Variants in OSBPL9 observed in about 807,000 individuals in gnomAD.
The protein encoded by OSBPL9 is oxysterol binding protein like 9.
OSBPL9 carries 40 observed loss-of-function variants against 106.6 expected under a neutral mutation model. The ratio of observed to expected loss-of-function variants is 0.38; its 90% CI spans 0.29 to 0.49. The LOEUF (loss-of-function observed/expected upper bound fraction) is 0.49, where lower values mean the gene tolerates loss of function less well. Among genes scored for constraint, OSBPL9 ranks in the 20% least tolerant of loss-of-function variants. The pLI, the probability that OSBPL9 is intolerant of heterozygous loss-of-function variation, is 0.97. For missense variants in OSBPL9, 609 were observed against 887.2 expected (o/e 0.69, Z 3.98); for synonymous variants, 269 against 295.4 (o/e 0.91, Z 0.92).
At chr1:51,528,921 GA>G in the OSBPL9 span, among the ~76,000 whole-genome samples, 1 of 151,744 alleles carries the variant, frequency 6.6e-6, no homozygotes, top group Non-Finnish European at 1.5e-5. Flanking sequence ...ACATCAAAAA[GA>G]AAAAATAGTT....
intron 2 of OSBPL9, among the ~76,000 whole-genome samples, chr1:51,664,611 G>C (rs1260639966): frequency 1.3e-5 from 2 of 152,136 alleles, no homozygotes; most frequent in African/African-American, 4.8e-5. Context: ...AATATCACTT[G>C]AGCCTCAGAA....
At chr1:51,600,697 T>G (rs1220052611) in intron 2 of OSBPL9, among the ~76,000 whole-genome samples, 1 of 152,154 alleles carries the variant, frequency 6.6e-6, no homozygotes, top group Non-Finnish European at 1.5e-5. Flanking sequence ...AAAATTTTGG[T>G]CTTGAAGGGT....
In OSBPL9 at chr1:51,597,438, T is replaced by C. The variant is rs557071437; in HGVS notation, c.-422-686T>C. Among the ~76,000 whole-genome samples, 82 of 150,530 alleles carry C rather than the reference T, an allele frequency of 5.4e-4. 4 individuals carry two copies. In the South Asian group the frequency reaches 0.016, roughly 29 times the overall value. On this transcript the variant is annotated intron_variant, in intron 1 of 25. Coordinates refer to the OSBPL9 transcript ENST00000371714. Reference sequence around the variant, plus strand: ...ATATATATATATGTGTGTGTGTGTGTGTGTGTGTGTGTGTGTGTGTGTATA... The same window carrying C: ...ATATATATATATGTGTGTGTGTGTGCGTGTGTGTGTGTGTGTGTGTGTATA...
At chr1:51,608,684 G>C (rs1488231394) in intron 2 of OSBPL9, among the ~76,000 whole-genome samples, 3 of 151,504 alleles carry the variant, frequency 2.0e-5, no homozygotes, top group South Asian at 2.1e-4. Context: ...GATTGGGGGG[G>C]GGGGCTTTCC....
intron 3 of OSBPL9, among the ~76,000 whole-genome samples, chr1:51,702,421 T>G (rs904605498): frequency 6.6e-6 from 1 of 152,262 alleles, no homozygotes. Flanking sequence ...TTTTTTCACG[T>G]GTCTGTTGGC....
chr1:51,690,248 TTAAC>T lies in OSBPL9; in HGVS notation c.241+20740_241+20743del, dbSNP rs1159234218. The stretch of plus-strand genomic sequence containing the variant: ...AGGCTTTCCATTGACTAGTAATAAT[TTAAC>T]TAAGAAGCATGTGATTTTAGAATGA... On this transcript the variant is annotated intron_variant, in intron 3 of 23. Transcript: ENST00000428468. Among the ~76,000 whole-genome samples the T allele has an allele frequency of 2.6e-5, 4 of 152,320 alleles. No homozygotes were observed. In the East Asian group the frequency reaches 7.7e-4, roughly 29 times the overall value.
intron 4 of OSBPL9, chr1:51,730,086 T>C: frequency 2.4e-6 from 3 of 1,262,928 alleles, no homozygotes; most frequent in Non-Finnish European, 3.0e-6. Context: ...GGAGCGCGAA[T>C]GTCGTGCTCA....
chr1:51,659,248 A>G (rs1646995701), intron 2 of OSBPL9, among the ~76,000 whole-genome samples: 1 of 152,150 alleles, frequency 6.6e-6, no homozygotes. Context: ...ATTCTTTGAC[A>G]ACAATGGAAA....
upstream of OSBPL9, among the ~76,000 whole-genome samples, chr1:51,575,615 C>T (rs1030347994): frequency 6.6e-5 from 10 of 152,136 alleles, no homozygotes; most frequent in Non-Finnish European, 1.2e-4. Flanking sequence ...CTATTACTCA[C>T]GTCTGATGAC....
At position 51,675,060 on chromosome 1, in the gene OSBPL9, A is replaced by G. The variant is rs556424830; in HGVS notation, c.241+5548A>G. Among the ~76,000 whole-genome samples, 3 of 152,326 alleles carry G rather than the reference A, an allele frequency of 2.0e-5. No individual in the cohort carries two copies. In the East Asian group the frequency reaches 5.8e-4, roughly 29 times the overall value. ...AGCCTAGGAATGATAGCCAAACCCT[A>G]TAGCCTAGGTGTGTAGTAGGCTTTA... On this transcript the variant is annotated intron_variant, in intron 3 of 23. Transcript: ENST00000428468.
At chr1:51,639,828 T>TTG (rs1645670874) in intron 1 of OSBPL9, among the ~76,000 whole-genome samples, 1 of 138,116 alleles carries the variant, frequency 7.2e-6, no homozygotes, top group African/African-American at 2.8e-5. Flanking sequence ...TTTTTTTTTT[T>TTG]TTTTTTTTTT....
At chr1:51,629,538 G>GC (rs1644978803) in intron 1 of OSBPL9, among the ~76,000 whole-genome samples, 1 of 152,180 alleles carries the variant, frequency 6.6e-6, no homozygotes, top group African/African-American at 2.4e-5. Context: ...GTGGTAGGCT[G>GC]CCACCCTGTA....
At chr1:51,649,816 C>T (rs1168816730) in intron 1 of OSBPL9, among the ~76,000 whole-genome samples, 1 of 144,672 alleles carries the variant, frequency 6.9e-6, no homozygotes, top group African/African-American at 2.6e-5. Context: ...TCTGGATTTG[C>T]GTGATTATTT....
intron 1 of OSBPL9, among the ~76,000 whole-genome samples, chr1:51,621,139 C>T (rs1453119101): frequency 6.6e-6 from 1 of 152,204 alleles, no homozygotes; most frequent in Non-Finnish European, 1.5e-5. Context: ...TATTAGTACT[C>T]CCATTAACTC....
intron 2 of OSBPL9, among the ~76,000 whole-genome samples, chr1:51,610,676 T>C (rs1004310334): frequency 1.3e-5 from 2 of 152,250 alleles, no homozygotes; most frequent in Non-Finnish European, 2.9e-5. Context: ...CCCTAATCTC[T>C]ATGAGCTCCT....
chr1:51,653,868 G>C (rs187597802), intron 2 of OSBPL9, among the ~76,000 whole-genome samples: 5 of 152,254 alleles, frequency 3.3e-5, no homozygotes, highest in African/African-American at 1.2e-4. Context: ...TGGATGTGGT[G>C]ACACATGCCT....
the OSBPL9 span, among the ~76,000 whole-genome samples, chr1:51,528,180 G>A: frequency 3.4e-4 from 52 of 151,682 alleles, no homozygotes; most frequent in African/African-American, 1.2e-3. Flanking sequence ...TTTCCAGCCA[G>A]AGGAATTAGG....
In OSBPL9 at chr1:51,787,497, G is replaced by T. The variant is rs773887542; in HGVS notation, c.2136+9G>T. Reference sequence around the variant, plus strand: ...TTCAGTGGGAGACAAGGGTAAGCTTGCCTGCCCCACCCTCCTAAGTGCTGT... The same window carrying T: ...TTCAGTGGGAGACAAGGGTAAGCTTTCCTGCCCCACCCTCCTAAGTGCTGT... On this transcript the variant is annotated intron_variant, in intron 23 of 23. Transcript: ENST00000428468. 42 of 1,613,726 alleles carry T rather than the reference G, an allele frequency of 2.6e-5. No individual in the cohort carries two copies. Among genetic ancestry groups the T allele is most frequent in the Non-Finnish European group, 3.2e-5 (38 of 1,179,832 alleles).
chr1:51,743,532 G>T (rs1667366476), intron 4 of OSBPL9, among the ~76,000 whole-genome samples: 1 of 152,100 alleles, frequency 6.6e-6, no homozygotes, highest in African/African-American at 2.4e-5. Context: ...ATTCTAAATG[G>T]ATTCAGAAGA....
Sources: gnomAD v4.1 joint callset for allele counts (sites outside exome capture counted in the v4.1 genomes callset) on GRCh38, gnomAD v4.1.1 for gene constraint, MANE v1.5 for transcripts, NCBI Gene and HGNC (gene_info 2026-07-23, HGNC 2026-07-21) for gene names.